UGT2A1: variants seen among roughly 807,000 people sequenced by gnomAD.
UGT2A1 encodes UDP glucuronosyltransferase family 2 member A1 complex locus, also known as UDP-glucuronosyltransferase 2A1.
Under a neutral mutation model 45.4 loss-of-function variants are expected in UGT2A1, and 61 were observed. That is an observed-to-expected ratio of 1.34 (90% CI 1.09 to 1.66). The LOEUF is 1.66. Among genes scored for constraint, UGT2A1 ranks in the 40% most tolerant of loss-of-function variants. UGT2A1 has a pLI of 0.00. For synonymous variants in UGT2A1, 229 were observed against 196.2 expected (o/e 1.17, Z -1.40); for missense variants, 649 against 574.3 (o/e 1.13, Z -1.33).
chr4:69,641,662 A>T (rs966292009), intron 2 of UGT2A1, among the ~76,000 whole-genome samples: 1 of 151,910 alleles, frequency 6.6e-6, no homozygotes, highest in African/African-American at 2.4e-5. Context: ...AAACAGAAAC[A>T]GTATATTCTA....
At chr4:69,625,411 T>C (rs961700516) in intron 3 of UGT2A1, among the ~76,000 whole-genome samples, 5 of 151,236 alleles carry the variant, frequency 3.3e-5, no homozygotes, top group African/African-American at 1.2e-4. Context: ...ATTGAAATAG[T>C]ATATGTTAGG....
chr4:69,618,221 T>TGTGTGTGTGTGTGTGTTTGTG (rs1720530663), intron 3 of UGT2A1, among the ~76,000 whole-genome samples: 4 of 144,640 alleles, frequency 2.8e-5, no homozygotes, highest in Non-Finnish European at 6.0e-5. Flanking sequence ...GTGTGTATGT[T>TGTGTGTGTGTGTGTGTTTGTG]TGTGTGTGTG....
chr4:69,600,594 C>T (rs1719223574), intron 3 of UGT2A1, among the ~76,000 whole-genome samples: 1 of 152,120 alleles, frequency 6.6e-6, no homozygotes, highest in Non-Finnish European at 1.5e-5. Context: ...CTCTTATTCC[C>T]ATAAAGAAAT....
chr4:69,594,457 T>G lies in UGT2A1; in HGVS notation c.1304+20A>C. ...AATGTAATTAAAGTTAGGCAAGTTT[T>G]TAGGAGCCTTAGTACTTACGAAGGT... On this transcript the variant is annotated intron_variant, in intron 6 of 6. Transcript: ENST00000286604. The G allele has an allele frequency of 6.2e-7, 1 of 1,608,748 alleles. No homozygotes were observed. The highest frequency in any genetic ancestry group is 1.3e-5 in the African/African-American group (1 of 74,698).
At chr4:69,613,609 T>C (rs758761470) in intron 3 of UGT2A1, among the ~76,000 whole-genome samples, 1 of 151,940 alleles carries the variant, frequency 6.6e-6, no homozygotes, top group East Asian at 1.9e-4. Context: ...CAACAACATA[T>C]TAAAAAGATC....
chr4:69,646,791 T>C (rs1722279302), intron 2 of UGT2A1, 139 bp downstream of exon 2: 1 of 559,782 alleles, frequency 1.8e-6, no homozygotes, highest in African/African-American at 1.9e-5. Flanking sequence ...TTATCTTCTT[T>C]TCTGCTATCA....
At chr4:69,646,537 G>A (rs1030649073) in intron 2 of UGT2A1, among the ~76,000 whole-genome samples, 4 of 151,656 alleles carry the variant, frequency 2.6e-5, no homozygotes, top group Admixed American at 6.6e-5. Flanking sequence ...GTTCTTAAAC[G>A]TGCATATTAA....
intron 3 of UGT2A1, among the ~76,000 whole-genome samples, chr4:69,600,335 T>G (rs1719202532): frequency 6.6e-6 from 1 of 152,176 alleles, no homozygotes; most frequent in Non-Finnish European, 1.5e-5. Flanking sequence ...GAAAAGTCAC[T>G]CCTAATCCTA....
intron 1 of UGT2A1, among the ~76,000 whole-genome samples, chr4:69,652,251 A>G (rs1218039172): frequency 2.0e-5 from 3 of 151,440 alleles, no homozygotes; most frequent in Non-Finnish European, 1.5e-5. Context: ...TTGCTTTTAC[A>G]ACAGCATTTT....
chr4:69,651,469 A>G (rs138340349), intron 1 of UGT2A1, among the ~76,000 whole-genome samples: 1 of 152,208 alleles, frequency 6.6e-6, no homozygotes, highest in African/African-American at 2.4e-5. Context: ...GAATTCAGAG[A>G]AAAAAACTAA....
At chr4:69,642,426 G>T (rs149700948) in intron 2 of UGT2A1, among the ~76,000 whole-genome samples, 183 of 151,690 alleles carry the variant, frequency 1.2e-3, no homozygotes, top group Admixed American at 3.3e-3. Context: ...GAAAGCAAAG[G>T]AATGATTAGT....
At chr4:69,621,760 A>G (rs1194927549) in intron 3 of UGT2A1, among the ~76,000 whole-genome samples, 2 of 152,002 alleles carry the variant, frequency 1.3e-5, no homozygotes, top group African/African-American at 4.8e-5. Flanking sequence ...CTAAATGCCT[A>G]TCAACGACAG....
chr4:69,614,958 A>G (rs926415977), intron 3 of UGT2A1, among the ~76,000 whole-genome samples: 3 of 152,058 alleles, frequency 2.0e-5, no homozygotes, highest in Admixed American at 6.6e-5. Context: ...ACATCTTCAC[A>G]TGGTGGCAGG....
chr4:69,599,107 C>G (rs1239035367), intron 4 of UGT2A1, 139 bp downstream of exon 4: 2 of 1,296,060 alleles, frequency 1.5e-6, no homozygotes, highest in African/African-American at 3.0e-5. Flanking sequence ...TAGGAGACCT[C>G]TATCACAAGG....
chr4:69,591,198 G>A (rs1367513292), intron 6 of UGT2A1, among the ~76,000 whole-genome samples: 1 of 152,016 alleles, frequency 6.6e-6, no homozygotes, highest in African/African-American at 2.4e-5. Flanking sequence ...GAGTGACCAT[G>A]GCCCATGATA....
rs139563365 is a variant in UGT2A1, at chr4:69,646,892, T to G, written c.715+38A>C. On this transcript the variant is annotated intron_variant, in intron 2 of 6. Transcript: ENST00000286604. ...AAGAGGCTCTACAAAGGTCTGTTTGTTCAAATTCAAGTAATAAAAACAAAA... is the reference window on the plus strand; with the variant it reads ...AAGAGGCTCTACAAAGGTCTGTTTGGTCAAATTCAAGTAATAAAAACAAAA... 6.5e-4 allele frequency: 931 copies of G among 1,438,836 alleles called. 7 individuals carry two copies. The African/African-American group carries it at 0.012, about 18-fold the overall frequency. The allele number at this position is 1,438,836 out of a possible 1,614,324, so 89.1% of individuals were successfully genotyped here.
At chr4:69,609,373 T>C (rs1719891763) in intron 3 of UGT2A1, among the ~76,000 whole-genome samples, 1 of 152,044 alleles carries the variant, frequency 6.6e-6, no homozygotes, top group South Asian at 2.1e-4. Flanking sequence ...TTTTTGTTTG[T>C]TTGTGTTGTA....
chr4:69,634,548 G>A (rs553623809), intron 3 of UGT2A1, among the ~76,000 whole-genome samples: 1 of 150,828 alleles, frequency 6.6e-6, no homozygotes, highest in Non-Finnish European at 1.5e-5. Context: ...GAGGGGGAAG[G>A]TTAAGAGGCT....
chr4:69,652,502 C>A (rs1722579007), intron 1 of UGT2A1, among the ~76,000 whole-genome samples: 1 of 151,850 alleles, frequency 6.6e-6, no homozygotes, highest in South Asian at 2.1e-4. Context: ...AACTTCTGAC[C>A]AGAGGTGATC....
Sources: gnomAD v4.1 joint callset for allele counts (sites outside exome capture counted in the v4.1 genomes callset) on GRCh38, gnomAD v4.1.1 for gene constraint, MANE v1.5 for transcripts, NCBI Gene and HGNC (gene_info 2026-07-23, HGNC 2026-07-21) for gene names.